NID2: variants seen among roughly 807,000 people sequenced by gnomAD.
NID2 encodes the protein nidogen 2.
A neutral mutation model predicts 145.4 loss-of-function variants in NID2; 83 were observed. That is an observed-to-expected ratio of 0.57 (90% confidence interval 0.48 to 0.69). The LOEUF (loss-of-function observed/expected upper bound fraction) is 0.69. Ranked by LOEUF, NID2 falls within the 30% of genes least tolerant of loss-of-function variation. The pLI is 0.00. For synonymous variants in NID2, 739 were observed against 701.3 expected (o/e 1.05, Z -0.85); for missense variants, 1,807 against 1,765.7 (o/e 1.02, Z -0.42).
At chr14:52,008,034 GC>G (rs1890859459) in intron 18 of NID2, 67 bp from the exon 19 acceptor site, 13 of 1,326,312 alleles carry the variant, frequency 9.8e-6, no homozygotes, top group Admixed American at 6.8e-5. Context: ...CATCTAAGCA[GC>G]CCCCAGTGAT....
chr14:52,021,132 G>C (rs1342321360), intron 12 of NID2, among the ~76,000 whole-genome samples: 2 of 152,080 alleles, frequency 1.3e-5, no homozygotes, highest in African/African-American at 4.8e-5. Context: ...TAAACAAAGG[G>C]TGTAGGTCCG....
rs28507587 is a variant in NID2 at position 52,027,278 on chromosome 14, C to T, written c.2597G>A (p.Arg866Gln). Residue 866 changes from arginine to glutamine, a missense_variant, in exon 12 of 22, where the codon CGG becomes CAG. Coordinates refer to ENST00000216286, the MANE Select transcript of NID2 (RefSeq NM_007361.4). ...SHTCAPAGQA[R>Q]CVHHGGSTFS... is the part of the protein sequence containing the mutation. ...CGTGCTGCCTCCATGGTGAACACACCGGGCCTGCCCAGCAGGAGCACAGGT... is the reference window on the plus strand; with the variant it reads ...CGTGCTGCCTCCATGGTGAACACACTGGGCCTGCCCAGCAGGAGCACAGGT... 6,401 of 1,597,676 alleles carry T rather than the reference C, an allele frequency of 4.0e-3. 228 individuals are homozygous for T. In the African/African-American group the frequency reaches 0.072, roughly 18 times the overall value.
chr14:52,041,432 A>G (rs1892275459), intron 7 of NID2, among the ~76,000 whole-genome samples: 1 of 152,270 alleles, frequency 6.6e-6, no homozygotes, highest in Non-Finnish European at 1.5e-5. Context: ...ACTTCTCACA[A>G]AACTATTTTT....
intron 5 of NID2, among the ~76,000 whole-genome samples, chr14:52,049,601 G>A (rs1242596460): frequency 2.6e-5 from 4 of 151,190 alleles, no homozygotes; most frequent in East Asian, 1.9e-4. Context: ...CATTTTCACC[G>A]CAGGAAAAAT....
chr14:52,014,531 C>G (rs749736019), intron 15 of NID2, 75 bp from the exon 16 acceptor site: 65 of 1,448,282 alleles, frequency 4.5e-5, no homozygotes, highest in Non-Finnish European at 6.0e-5. Flanking sequence ...GTTACTTTAC[C>G]ACATACCAGA....
chr14:52,010,054 C>T (rs900730400), intron 18 of NID2: 1 of 152,030 alleles, frequency 6.6e-6, no homozygotes, highest in African/African-American at 2.4e-5. Flanking sequence ...CAAGCCTATG[C>T]AAAGAGTTTT....
chr14:52,061,361 C>CA (rs1404461884), intron 2 of NID2, among the ~76,000 whole-genome samples: 6 of 152,218 alleles, frequency 3.9e-5, no homozygotes, highest in African/African-American at 1.4e-4. Flanking sequence ...TTGTAAACAC[C>CA]ATTCATTTAT....
At chr14:52,013,403 G>A (rs1595003704) in intron 16 of NID2, among the ~76,000 whole-genome samples, 1 of 152,178 alleles carries the variant, frequency 6.6e-6, no homozygotes, top group Non-Finnish European at 1.5e-5. Flanking sequence ...CAACAAACTC[G>A]AATCTTAAAA....
In NID2 at chr14:52,042,203, G is replaced by A. The variant is rs759213664; in HGVS notation, c.1727C>T (p.Ala576Val). The change falls in exon 7 of 22, where the codon GCA becomes GTA. Residue 576 changes from alanine (A) to valine (V), a missense_variant. Transcript: ENST00000216286. ...TGTGAGGGGGAGGAGGGCCTGGGCTGCTGGCTGTGGGATGTGGCTGATGGC... is the reference window on the plus strand; with the variant it reads ...TGTGAGGGGGAGGAGGGCCTGGGCTACTGGCTGTGGGATGTGGCTGATGGC... ...YTAISHIPQP[A>V]AQALLPLTPI... 7.4e-6 allele frequency: 12 copies of A among 1,614,140 alleles called. No individual in the cohort carries two copies. Among genetic ancestry groups the A allele is most frequent in the Admixed American group, 5.0e-5 (3 of 60,008 alleles).
chr14:52,056,480 T>C (rs1454949139), intron 3 of NID2, among the ~76,000 whole-genome samples: 1 of 152,166 alleles, frequency 6.6e-6, no homozygotes, highest in African/African-American at 2.4e-5. Context: ...TTAGGAGAAT[T>C]AAGTGAGAAA....
At chr14:52,047,607 G>T (rs1357381719) in intron 5 of NID2, among the ~76,000 whole-genome samples, 1 of 152,176 alleles carries the variant, frequency 6.6e-6, no homozygotes, top group Non-Finnish European at 1.5e-5. Flanking sequence ...TGGTACAGGG[G>T]ATAAGAAGGG....
intron 19 of NID2, chr14:52,007,575 C>T (rs1354838749): frequency 4.1e-6 from 2 of 491,666 alleles, no homozygotes; most frequent in African/African-American, 2.0e-5. Flanking sequence ...GCCAGGCACT[C>T]ATGGTCAGGC....
intron 5 of NID2, among the ~76,000 whole-genome samples, chr14:52,051,540 T>G (rs1481202327): frequency 6.6e-6 from 1 of 152,146 alleles, no homozygotes; most frequent in African/African-American, 2.4e-5. Context: ...TACCGGACAA[T>G]GTTCTGTGTC....
chr14:52,045,045 C>T (rs1327594119), intron 5 of NID2, among the ~76,000 whole-genome samples: 1 of 152,144 alleles, frequency 6.6e-6, no homozygotes, highest in Non-Finnish European at 1.5e-5. Flanking sequence ...GCTGGAGAAT[C>T]TTAACTGCTA....
At chr14:52,032,640 C>G (rs972224911) in intron 9 of NID2, among the ~76,000 whole-genome samples, 2 of 152,238 alleles carry the variant, frequency 1.3e-5, no homozygotes, top group East Asian at 1.9e-4. Flanking sequence ...GCATACCCCA[C>G]CAAAGCAGGA....
chr14:52,024,445 C>T (rs1005740012), intron 12 of NID2, among the ~76,000 whole-genome samples: 11 of 152,136 alleles, frequency 7.2e-5, no homozygotes, highest in African/African-American at 1.7e-4. Flanking sequence ...CTCAAAGAAC[C>T]GAATCCTGCC....
rs370388882 is a variant in NID2 at position 52,038,894 on chromosome 14, T to C, written c.2110A>G (p.Ile704Val). The C allele has an allele frequency of 6.2e-7, 1 of 1,614,150 alleles. No individual in the cohort carries two copies. Among genetic ancestry groups the C allele is most frequent in the Non-Finnish European group, 8.5e-7 (1 of 1,180,024 alleles). The change falls in exon 9 of 22, where the codon ATC (isoleucine) becomes GTC (valine). Residue 704 changes from isoleucine to valine, a missense_variant. Transcript: ENST00000216286. The stretch of plus-strand genomic sequence containing the variant: ...GCGTGCCTGCACACCTGGTAAGTGA[T>C]GTTCTGGTGGATGCGGTAGGACCAT... ...QTWSYRIHQN[I>V]TYQVCRHAPR... is the part of the protein sequence containing the mutation.
rs149851618 is a variant in NID2, at chr14:52,053,770, G to A, written c.1238C>T (p.Pro413Leu). ...CTGGATGCTTCCGTTTTCGGGGTAC[G>A]GTGGTGGGGTTTCCCAGGAAGGAGC... Reference protein sequence around the residue: ...SLAPSWETPPPYPENGSIQPY... With the variant: ...SLAPSWETPPLYPENGSIQPY... The change falls in exon 5 of 22, where the codon CCG becomes CTG. Residue 413 changes from proline (P) to leucine (L), a missense_variant. By Grantham distance (98) the Pro-to-Leu change is moderately conservative. Coordinates refer to ENST00000216286, the MANE Select transcript of NID2 (RefSeq NM_007361.4). 130 of 1,614,208 alleles carry A rather than the reference G, an allele frequency of 8.1e-5. No homozygotes were observed. The African/African-American group carries it at 1.2e-3, about 15-fold the overall frequency.
At chr14:52,031,824 T>C (rs2140383625) in intron 9 of NID2, among the ~76,000 whole-genome samples, 1 of 152,374 alleles carries the variant, frequency 6.6e-6, no homozygotes, top group Non-Finnish European at 1.5e-5. Context: ...TCTTGTCTTA[T>C]ACTGAGCCTT....
Sources: gnomAD v4.1 joint callset for allele counts (sites outside exome capture counted in the v4.1 genomes callset) on GRCh38, gnomAD v4.1.1 for gene constraint, MANE v1.5 for transcripts, NCBI Gene and HGNC (gene_info 2026-07-23, HGNC 2026-07-21) for gene names.